Variants in CACNB2 observed in about 807,000 individuals in gnomAD.
CACNB2 encodes calcium voltage-gated channel auxiliary subunit beta 2.
Under a neutral mutation model 73.3 loss-of-function variants are expected in CACNB2, and 42 were observed. That is an observed-to-expected ratio of 0.57 (90% CI 0.45 to 0.74). CACNB2 has a LOEUF of 0.74. Among genes scored for constraint, CACNB2 ranks in the 30% least tolerant of loss-of-function variants. The probability of loss-of-function intolerance (pLI) is 0.00; values close to 1 mark genes in which losing one functional copy is unlikely to be tolerated. For missense variants in CACNB2, 940 were observed against 853.0 expected (o/e 1.10, Z -1.27); for synonymous variants, 348 against 310.3 (o/e 1.12, Z -1.28).
At chr10:18,265,919 T>C (rs2037777166) in intron 2 of CACNB2, among the ~76,000 whole-genome samples, 1 of 152,200 alleles carries the variant, frequency 6.6e-6, no homozygotes, top group South Asian at 2.1e-4. Context: ...AAAGCTTTTA[T>C]TAATAAATGA....
chr10:18,148,425 C>T (rs372767338), intron 1 of CACNB2, among the ~76,000 whole-genome samples: 23 of 152,140 alleles, frequency 1.5e-4, no homozygotes, highest in South Asian at 1.2e-3. Flanking sequence ...TAGCTAAGTA[C>T]GCCTGAAATA....
chr10:18,401,103 A>G lies in CACNB2; in HGVS notation c.214-821A>G. The G allele has an allele frequency of 3.1e-6, 5 of 1,614,148 alleles. No individual in the cohort carries two copies. In the South Asian group the frequency reaches 5.5e-5, roughly 18 times the overall value. ...GGCTGAAGAATTCTGATATCTGTGT[A>G]AGCGCAAGGGCTTTCGTTTGTGGGG... On this transcript the variant is annotated intron_variant, in intron 2 of 13. Coordinates refer to ENST00000324631, the MANE Select transcript of CACNB2 (RefSeq NM_201596.3).
At chr10:18,529,843 T>C (rs2052822637) in intron 10 of CACNB2, among the ~76,000 whole-genome samples, 1 of 152,146 alleles carries the variant, frequency 6.6e-6, no homozygotes, top group Non-Finnish European at 1.5e-5. Context: ...TTTCCACACA[T>C]CATTTGACGC....
At chr10:18,422,001 T>C (rs2045351221) in intron 3 of CACNB2, among the ~76,000 whole-genome samples, 1 of 152,242 alleles carries the variant, frequency 6.6e-6, no homozygotes, top group Non-Finnish European at 1.5e-5. Context: ...TTTCTTGTGC[T>C]ATAGCTGTTA....
At chr10:18,441,165 G>C (rs921401146) in intron 3 of CACNB2, among the ~76,000 whole-genome samples, 3 of 152,170 alleles carry the variant, frequency 2.0e-5, no homozygotes, top group Non-Finnish European at 4.4e-5. Flanking sequence ...AGCACTTTGG[G>C]AGGCCAAGGA....
In CACNB2 at chr10:18,140,852, C is replaced by A. The variant is rs2030305848; in HGVS notation, c.116C>A (p.Ala39Glu). The change falls in exon 1 of 14, where the codon GCA (alanine) becomes GAA (glutamate). Residue 39 changes from alanine to glutamate, a missense_variant. Coordinates refer to ENST00000324631, the MANE Select transcript of CACNB2 (RefSeq NM_201596.3). ...VAPAGALGAA[A>E]QSYGKGARRK... ...CCCGCGGGGGCGCTCGGAGCCGCCG[C>A]ACAGGTAGCGAGAGCGCGGCGCCTT... The A allele has an allele frequency of 1.2e-6, 2 of 1,600,292 alleles. No individual in the cohort carries two copies. The highest frequency in any genetic ancestry group is 1.7e-6 in the Non-Finnish European group (2 of 1,175,414).
intron 3 of CACNB2, among the ~76,000 whole-genome samples, chr10:18,481,931 G>T (rs1564600646): frequency 6.6e-6 from 1 of 152,128 alleles, no homozygotes; most frequent in African/African-American, 2.4e-5. Context: ...GCCCAGGCTG[G>T]AGGGCTGGAG....
At chr10:18,248,050 C>T (rs916394410) in intron 2 of CACNB2, among the ~76,000 whole-genome samples, 2 of 152,202 alleles carry the variant, frequency 1.3e-5, no homozygotes, top group Non-Finnish European at 2.9e-5. Context: ...CTAATTCCAT[C>T]ACATTGGTGA....
chr10:18,253,391 A>G (rs1174232009), intron 2 of CACNB2, among the ~76,000 whole-genome samples: 2 of 152,180 alleles, frequency 1.3e-5, no homozygotes, highest in Non-Finnish European at 2.9e-5. Context: ...AGAATTCTAA[A>G]ATCTATCAGG....
At chr10:18,300,180 C>T (rs925596848) in intron 2 of CACNB2, among the ~76,000 whole-genome samples, 1 of 152,152 alleles carries the variant, frequency 6.6e-6, no homozygotes, top group African/African-American at 2.4e-5. Context: ...CATCACCATG[C>T]CTGGCTAATT....
chr10:18,222,333 AC>A (rs1159978212), intron 2 of CACNB2, among the ~76,000 whole-genome samples: 1 of 152,134 alleles, frequency 6.6e-6, no homozygotes, highest in Non-Finnish European at 1.5e-5. Flanking sequence ...GAAACATAAG[AC>A]CCAGCAACCA....
At chr10:18,333,369 T>A (rs2132029003) in intron 2 of CACNB2, among the ~76,000 whole-genome samples, 1 of 152,082 alleles carries the variant, frequency 6.6e-6, no homozygotes, top group South Asian at 2.1e-4. Flanking sequence ...CCTTAAATAG[T>A]ACAGCTTTGG....
intron 2 of CACNB2, among the ~76,000 whole-genome samples, chr10:18,324,681 C>T (rs1172838020): frequency 6.6e-6 from 1 of 152,210 alleles, no homozygotes; most frequent in South Asian, 2.1e-4. Flanking sequence ...CATGGCGAAA[C>T]CTCGTCTCTA....
intron 12 of CACNB2, among the ~76,000 whole-genome samples, chr10:18,537,645 T>C (rs2053731191): frequency 6.6e-6 from 1 of 151,788 alleles, no homozygotes; most frequent in African/African-American, 2.4e-5. Context: ...GGCTTGGTGG[T>C]AGGCACCTGT....
rs570394130 is a variant in CACNB2 at position 18,389,637 on chromosome 10, C to T, written c.214-12287C>T. 2.6e-5 allele frequency among the ~76,000 whole-genome samples: 4 copies of T among 152,290 alleles called. No individual in the cohort carries two copies. The East Asian group carries it at 7.7e-4, about 29-fold the overall frequency. ...ACCATAATTTTAAAATTTTCTTAAA[C>T]TAGTTCCTAGAAGTGAAATTAATAG... On this transcript the variant is annotated intron_variant, in intron 2 of 13. Coordinates refer to ENST00000324631, the MANE Select transcript of CACNB2 (RefSeq NM_201596.3).
intron 2 of CACNB2, among the ~76,000 whole-genome samples, chr10:18,310,787 T>C (rs567241223): frequency 6.6e-6 from 1 of 151,706 alleles, no homozygotes; most frequent in Admixed American, 6.6e-5. Context: ...TTCACCACAT[T>C]GGCCAGGGTG....
Position 18,401,997 on chromosome 10 carries a change from G to A in CACNB2, c.287G>A (p.Arg96His), listed in dbSNP as rs776194653. Residue 96 changes from arginine to histidine, a missense_variant, in exon 3 of 14, where the codon CGC becomes CAC. Arg to His is a conservative substitution (Grantham distance 29). Transcript: ENST00000324631. ...VSLEEDREAV[R>H]REAERQAQAQ... ...CTGGAGGAGGACCGGGAGGCAGTGC[G>A]CAGAGAAGCGGAGCGGCAGGCCCAG... is the stretch of plus-strand genomic sequence containing the variant. The A allele has an allele frequency of 6.2e-7, 1 of 1,614,038 alleles. No individual in the cohort carries two copies. The highest frequency in any genetic ancestry group is 8.5e-7 in the Non-Finnish European group (1 of 1,179,940).
In CACNB2 at chr10:18,356,938, A is replaced by ATGTCTTTTTTTTTTT. The variant is rs1436280481; in HGVS notation, c.214-44985_214-44984insGTCTTTTTTTTTTTT. On this transcript the variant is annotated intron_variant, in intron 2 of 13. Coordinates refer to ENST00000324631, the MANE Select transcript of CACNB2 (RefSeq NM_201596.3). ...AGCCACTGTGCCTGGCCCAGACTCA[A>ATGTCTTTTTTTTTTT]TTTCTTTTTTTTTTTTTTTTTTTTG... Among the ~76,000 whole-genome samples, 5 of 94,444 alleles carry ATGTCTTTTTTTTTTT rather than the reference A, an allele frequency of 5.3e-5. 2 individuals carry two copies. Among genetic ancestry groups the ATGTCTTTTTTTTTTT allele is most frequent in the Non-Finnish European group, 2.2e-5 (1 of 46,402 alleles). 62.0% of individuals were successfully genotyped at this position (94,444 alleles called of 152,430 possible).
intron 12 of CACNB2, among the ~76,000 whole-genome samples, chr10:18,536,574 A>G (rs895963971): frequency 6.6e-6 from 1 of 152,036 alleles, no homozygotes; most frequent in South Asian, 2.1e-4. Context: ...AACTGGCATT[A>G]TATTTTGAAA....
Sources: allele counts gnomAD v4.1 joint callset (sites outside exome capture counted in the v4.1 genomes callset), GRCh38; gene constraint gnomAD v4.1.1; transcripts MANE v1.5; gene names NCBI Gene and HGNC (gene_info 2026-07-23, HGNC 2026-07-21).